The following USH2A variants were observed in gnomAD, a reference collection of about 807,000 sequenced individuals.
USH2A encodes usherin, also known as Usher syndrome 2A (autosomal recessive, mild).
In USH2A, 443 loss-of-function variants were observed where a neutral mutation model predicts 538.9. The ratio of observed to expected loss-of-function variants is 0.82; its 90% CI spans 0.76 to 0.89. The LOEUF (loss-of-function observed/expected upper bound fraction) is 0.89, where lower values mean the gene tolerates loss of function less well. Ranked by LOEUF, USH2A falls within the 40% of genes least tolerant of loss-of-function variation. The probability of loss-of-function intolerance (pLI) is 0.00; values close to 1 mark genes in which losing one functional copy is unlikely to be tolerated. For missense variants in USH2A, 6,633 were observed against 6,324.8 expected, an observed-to-expected ratio of 1.05 and a Z score of -1.65; for synonymous variants, 2,413 against 2,273.5, an observed-to-expected ratio of 1.06 and a Z score of -1.75.
chr1:216,010,354 G>A (rs1010098163), intron 32 of USH2A, among the ~76,000 whole-genome samples: 7 of 152,098 alleles, frequency 4.6e-5, no homozygotes, highest in African/African-American at 1.7e-4. Context: ...CGTCCCATCT[G>A]TGCCGGACCC....
intron 4 of USH2A, among the ~76,000 whole-genome samples, chr1:216,355,374 A>AGAAG (rs1446016922): frequency 3.5e-5 from 5 of 142,894 alleles, no homozygotes; most frequent in African/African-American, 1.3e-4. Flanking sequence ...AAAGAAAGAA[A>AGAAG]GAAGGAAAGA....
rs963715394 is a variant in USH2A, at chr1:215,623,507, T to C, written c.*2274A>G. The stretch of plus-strand genomic sequence containing the variant: ...AGGCGAGTCTGCATGGTTTGTATAA[T>C]AGAGGCTTGGCACGCAATACCACTT... On this transcript the variant is annotated 3_prime_UTR_variant, in exon 72 of 72. Transcript: ENST00000307340. 7.9e-5 allele frequency: 12 copies of C among 151,074 alleles called. No homozygotes were observed. Among genetic ancestry groups the C allele is most frequent in the African/African-American group, 2.4e-4 (10 of 41,402 alleles). The allele number at this position is 151,074 out of a possible 1,614,324, so 9.4% of individuals were successfully genotyped here.
intron 27 of USH2A, among the ~76,000 whole-genome samples, chr1:216,077,447 G>A (rs917339543): frequency 6.6e-6 from 1 of 151,354 alleles, no homozygotes; most frequent in African/African-American, 2.4e-5. Flanking sequence ...AGAAAGAAAA[G>A]GCAATGAATT....
At position 216,083,051 on chromosome 1, in the gene USH2A, C is replaced by T. The variant is rs182152153; in HGVS notation, c.5298+405G>A. ...AAAATGATAATATTCAGTTATCAGG[C>T]GTGGTGGTAGGTCCAGGAGTGTTCA... On this transcript the variant is annotated intron_variant, in intron 26 of 71. Transcript: ENST00000307340. Among the ~76,000 whole-genome samples, 23 of 151,926 alleles carry T rather than the reference C, an allele frequency of 1.5e-4. No homozygotes were observed. The East Asian group carries it at 2.7e-3, about 18-fold the overall frequency.
Position 216,070,149 on chromosome 1 carries a change from G to T in USH2A, c.6001C>A (p.Arg2001Ser), listed in dbSNP as rs141539554. The T allele has an allele frequency of 6.2e-7, 1 of 1,613,982 alleles. No homozygotes were observed. The highest frequency in any genetic ancestry group is 8.5e-7 in the Non-Finnish European group (1 of 1,179,930). The change falls in exon 30 of 72, where the codon CGC becomes AGC. Residue 2001 changes from arginine (R) to serine (S), a missense_variant. Transcript: ENST00000307340. The part of the protein sequence containing the change: ...AYSEDSTRPP[R>S]MPSASAEFVN... ...AATTCAGCACTGGCAGAGGGCATGC[G>T]GGGTGGACGGGTGCTGTCCTCACTA... is the stretch of plus-strand genomic sequence containing the variant.
chr1:216,360,609 A>C (rs747122050), intron 4 of USH2A, among the ~76,000 whole-genome samples: 3 of 152,054 alleles, frequency 2.0e-5, no homozygotes, highest in African/African-American at 7.2e-5. Context: ...AGGGATATTG[A>C]CAATGGGGAA....
At chr1:216,040,563 G>A (rs555463444) in intron 32 of USH2A, among the ~76,000 whole-genome samples, 7 of 151,930 alleles carry the variant, frequency 4.6e-5, no homozygotes, top group African/African-American at 7.2e-5. Context: ...TAGGGTGCTC[G>A]TTTAAAATAA....
At chr1:216,049,757 G>C (rs1465415799) in intron 30 of USH2A, among the ~76,000 whole-genome samples, 2 of 152,098 alleles carry the variant, frequency 1.3e-5, no homozygotes, top group Non-Finnish European at 2.9e-5. Flanking sequence ...CCAGGATGGA[G>C]CAAAGACCAG....
chr1:216,291,897 C>T (rs2037008448), intron 10 of USH2A, among the ~76,000 whole-genome samples: 1 of 152,000 alleles, frequency 6.6e-6, no homozygotes. Context: ...GTGGTTTAGT[C>T]AAATGGTGTG....
At chr1:216,391,914 T>C (rs1472348701) in intron 3 of USH2A, among the ~76,000 whole-genome samples, 1 of 152,118 alleles carries the variant, frequency 6.6e-6, no homozygotes, top group Non-Finnish European at 1.5e-5. Flanking sequence ...ATGTGTTGAG[T>C]TCCAAACTGC....
intron 38 of USH2A, among the ~76,000 whole-genome samples, chr1:215,934,398 G>T (rs1244056774): frequency 1.3e-5 from 2 of 151,964 alleles, no homozygotes; most frequent in Non-Finnish European, 2.9e-5. Flanking sequence ...CACACAGTGT[G>T]AGGTGGATGA....
Position 216,162,239 on chromosome 1 carries a change from G to T in USH2A, c.4627+13013C>A, listed in dbSNP as rs114322659. Among the ~76,000 whole-genome samples, 1,399 of 151,662 alleles carry T rather than the reference G, an allele frequency of 9.2e-3. 23 individuals carry two copies. Among genetic ancestry groups the T allele is most frequent in the African/African-American group, 0.03 (1,254 of 41,366 alleles). ...TCAGTTTGGACAATTACAATTGACC[G>T]TTGAGTTCTCTAATCTTGCCTTCTG... On this transcript the variant is annotated intron_variant, in intron 21 of 71. Transcript: ENST00000307340.
At chr1:216,391,785 G>C (rs1483615389) in intron 3 of USH2A, among the ~76,000 whole-genome samples, 1 of 152,222 alleles carries the variant, frequency 6.6e-6, no homozygotes, top group East Asian at 1.9e-4. Context: ...CTTGGGCGCT[G>C]TGACCTCTCA....
At chr1:215,657,987 G>T (rs1320832298) in intron 64 of USH2A, among the ~76,000 whole-genome samples, 2 of 145,854 alleles carry the variant, frequency 1.4e-5, no homozygotes. Context: ...AGGCTGGAGT[G>T]CAGTGGCGTG....
intron 21 of USH2A, among the ~76,000 whole-genome samples, chr1:216,140,401 C>T (rs569578628): frequency 6.6e-6 from 1 of 152,258 alleles, no homozygotes; most frequent in East Asian, 1.9e-4. Context: ...GCCGTGTCTG[C>T]TTAGACATCT....
intron 61 of USH2A, among the ~76,000 whole-genome samples, chr1:215,708,467 T>C (rs548655584): frequency 1.3e-5 from 2 of 152,318 alleles, no homozygotes; most frequent in Non-Finnish European, 2.9e-5. Flanking sequence ...TGTTTGCTTT[T>C]AGTGCAAAGC....
At chr1:215,662,032 T>C (rs776062175) in intron 64 of USH2A, among the ~76,000 whole-genome samples, 1 of 152,260 alleles carries the variant, frequency 6.6e-6, no homozygotes, top group Non-Finnish European at 1.5e-5. Context: ...GCATGGATTT[T>C]AGCCTCCTGC....
intron 32 of USH2A, among the ~76,000 whole-genome samples, chr1:216,023,459 CAAA>C: frequency 0.027 from 1,286 of 46,952 alleles, 13 homozygotes; most frequent in African/African-American, 0.11. Flanking sequence ...TCAAAGCAGA[CAAA>C]AAAAAAAAAA....
chr1:215,756,748 G>A (rs2970537), intron 58 of USH2A, among the ~76,000 whole-genome samples: 106,868 of 151,728 alleles, frequency 0.7, 37,851 homozygotes, highest in East Asian at 0.83. Flanking sequence ...GCATGGTGAA[G>A]CCCCATTTCT....
Sources: allele counts gnomAD v4.1 joint callset (sites outside exome capture counted in the v4.1 genomes callset), GRCh38; gene constraint gnomAD v4.1.1; transcripts MANE v1.5; gene names NCBI Gene and HGNC (gene_info 2026-07-23, HGNC 2026-07-21).